The following TNXB variants were observed in gnomAD, a reference collection of about 807,000 sequenced individuals.
TNXB encodes the protein tenascin-X.
A neutral mutation model predicts 340.5 loss-of-function variants in TNXB; 183 were observed. The ratio of observed to expected loss-of-function variants is 0.54; its 90% CI spans 0.48 to 0.61. The LOEUF (loss-of-function observed/expected upper bound fraction) is 0.61. Among genes scored for constraint, TNXB ranks in the 20% least tolerant of loss-of-function variants. TNXB has a pLI of 0.00. For synonymous variants in TNXB, 2,121 were observed against 2,314.5 expected, an observed-to-expected ratio of 0.92 and a Z score of 2.40; for missense variants, 4,613 against 5,446.4, an observed-to-expected ratio of 0.85 and a Z score of 4.82.
At chr6:32,092,949 G>C (rs1336107980) in intron 4 of TNXB, among the ~76,000 whole-genome samples, 1 of 152,224 alleles carries the variant, frequency 6.6e-6, no homozygotes, top group Admixed American at 6.5e-5. Flanking sequence ...GCCTGGCACA[G>C]GCCAACTTGG....
In TNXB at chr6:32,084,609, C is replaced by T. The variant is rs1164165471; in HGVS notation, c.3249G>A (p.Thr1083=). Residue 1083 remains threonine, a synonymous_variant, in exon 8 of 44, where the codon ACG becomes ACA. Transcript: ENST00000644971. This position sits in a 1 kb window ranked among gnomAD's most constrained non-coding sequence, Gnocchi z 5.5. ...AGGAGTCAAACTCGCCCTCGGGGACCGTCCAGCGCAGGAGCAAGGAGTCGG... is the reference window on the plus strand; with the variant it reads ...AGGAGTCAAACTCGCCCTCGGGGACTGTCCAGCGCAGGAGCAAGGAGTCGG... ...RTSDSLLLRW[T]VPEGEFDSFV... is the part of the protein sequence containing the mutation. 1.1e-5 allele frequency: 17 copies of T among 1,606,932 alleles called. No individual in the cohort carries two copies. Among genetic ancestry groups the T allele is most frequent in the African/African-American group, 2.7e-5 (2 of 74,920 alleles).
chr6:32,105,502 G>C (rs1172191380), intron 1 of TNXB, among the ~76,000 whole-genome samples: 5 of 152,070 alleles, frequency 3.3e-5, no homozygotes, highest in African/African-American at 9.7e-5. Flanking sequence ...CTTGGCTGCT[G>C]TATCCCTGCA....
intron 13 of TNXB, among the ~76,000 whole-genome samples, chr6:32,071,491 G>A (rs1362060796): frequency 6.6e-6 from 1 of 152,010 alleles, no homozygotes; most frequent in Non-Finnish European, 1.5e-5. Context: ...TGGAAATTAC[G>A]AGAAGAGAGG....
rs1352356891 is a variant in TNXB, at chr6:32,052,913, G to A, written c.8872C>T (p.Leu2958=). 5.0e-6 allele frequency: 8 copies of A among 1,612,830 alleles called. No individual in the cohort carries two copies. Among genetic ancestry groups the A allele is most frequent in the Non-Finnish European group, 5.9e-6 (7 of 1,179,840 alleles). The change falls in exon 26 of 44, where the codon CTG becomes TTG. Residue 2958 remains leucine, a synonymous_variant. Transcript: ENST00000644971. The surrounding 1 kb of genome is among the most constrained non-coding windows in gnomAD (Gnocchi z 4.7). ...EPPEEPLLGE[L]TVTGSSPDSL... ...TCAGGGGAGGATCCTGTCACTGTCA[G>A]CTCCCCCAGGAGCGGCTCCTCAGGG...
Position 32,081,396 on chromosome 6 carries a change from C to T in TNXB, c.4014G>A (p.Val1338=). The change falls in exon 10 of 44, where the codon GTG becomes GTA. Residue 1338 remains valine, a synonymous_variant. Coordinates refer to ENST00000644971, the MANE Select transcript of TNXB (RefSeq NM_001365276.2). The surrounding 1 kb of genome is among the most constrained non-coding windows in gnomAD (Gnocchi z 5.1). ...NLYGLRGRQR[V]GPESVVAKTA... ...TCTTGGCCACCACAGACTCGGGCCC[C>T]ACACGCTGCCTGCCACGAAGCCCGT... The T allele has an allele frequency of 6.5e-7, 1 of 1,543,138 alleles. No homozygotes were observed. Among genetic ancestry groups the T allele is most frequent in the Admixed American group, 2.0e-5 (1 of 51,034 alleles).
rs771332630 is a variant in TNXB at position 32,069,629 on chromosome 6, G to C, written c.5511C>G (p.Ala1837=). The C allele has an allele frequency of 6.2e-7, 1 of 1,611,842 alleles. No individual in the cohort carries two copies. Among genetic ancestry groups the C allele is most frequent in the Non-Finnish European group, 8.5e-7 (1 of 1,178,938 alleles). ...REVSVPGLDP[A]HRYKLLLYGL... Reference sequence around the variant, plus strand: ...CGTAGAGCAGCAGCTTGTACCTGTGGGCAGGGTCCAGGCCCGGCACGCTGA... The same window carrying C: ...CGTAGAGCAGCAGCTTGTACCTGTGCGCAGGGTCCAGGCCCGGCACGCTGA... Residue 1837 remains alanine (A), a synonymous_variant, in exon 15 of 44, where the codon GCC becomes GCG. Transcript: ENST00000644971. The surrounding 1 kb of genome is among the most constrained non-coding windows in gnomAD (Gnocchi z 6.2).
rs542833871 is a variant in TNXB, at chr6:32,050,268, G to C, written c.9169C>G (p.Pro3057Ala). The C allele has an allele frequency of 4.3e-6, 7 of 1,613,488 alleles. No homozygotes were observed. In the African/African-American group the frequency reaches 9.3e-5, roughly 22 times the overall value. ...TCCCCCAGGCGAGGCTTGATGGGGG[G>C]CTCAGGGGTCATGGTAGGCACTGCT... The part of the protein sequence containing the change: ...TQAVPTMTPE[P>A]PIKPRLGELT... Residue 3057 changes from proline (P) to alanine (A), a missense_variant, in exon 27 of 44, where the codon CCC becomes GCC. Transcript: ENST00000644971.
intron 31 of TNXB, chr6:32,045,934 G>A (rs1449616184): frequency 1.6e-5 from 20 of 1,256,294 alleles, no homozygotes; most frequent in Middle Eastern, 3.1e-4. Context: ...GGGCAGAGTC[G>A]GGGCTGGGAG....
Position 32,082,132 on chromosome 6 carries a change from C to T in TNXB, c.3640G>A (p.Val1214Ile). Residue 1214 changes from valine (V) to isoleucine (I), a missense_variant, in exon 9 of 44, where the codon GTC becomes ATC. This residue lies in a region of TNXB where 4,327 missense variants were observed against 4,859.4 expected (regional missense o/e 0.89). Coordinates refer to ENST00000644971, the MANE Select transcript of TNXB (RefSeq NM_001365276.2). This position sits in a 1 kb window ranked among gnomAD's most constrained non-coding sequence, Gnocchi z 5.0. ...TTGTGGTCAGGGTCCAGTGAGGAGA[C>T]AACAAATGAACGCTCGGGCCCTTCC... ...PVEGPERSFV[V>I]SSLDPDHKYR... 6.2e-7 allele frequency: 1 copy of T among 1,611,784 alleles called. No homozygotes were observed. The highest frequency in any genetic ancestry group is 1.7e-5 in the Admixed American group (1 of 59,714).
intron 1 of TNXB, among the ~76,000 whole-genome samples, chr6:32,102,610 C>T (rs1365308243): frequency 6.6e-6 from 1 of 152,166 alleles, no homozygotes; most frequent in Admixed American, 6.5e-5. Flanking sequence ...CTGAATAATG[C>T]CGTTTATATG....
chr6:32,065,028 G>A lies in TNXB; in HGVS notation c.6634C>T (p.Leu2212Phe). ...TGGCCCTCGGGGACTGTCCAGGAGA[G>A]GCTGAGGGAGTCGGAGGTGATGTCT... ...VRDITSDSLS[L>F]SWTVPEGQFD... Residue 2212 changes from leucine (L) to phenylalanine (F), a missense_variant, in exon 19 of 44, where the codon CTC (leucine) becomes TTC (phenylalanine). Leu to Phe is a conservative substitution (Grantham distance 22, BLOSUM62 0). Coordinates refer to ENST00000644971, the MANE Select transcript of TNXB (RefSeq NM_001365276.2). 6.2e-7 allele frequency: 1 copy of A among 1,609,306 alleles called. No homozygotes were observed. The highest frequency in any genetic ancestry group is 8.5e-7 in the Non-Finnish European group (1 of 1,178,324).
In TNXB at chr6:32,061,541, C is replaced by T. The variant is rs373494712; in HGVS notation, c.7348G>A (p.Gly2450Arg). 330 of 1,613,580 alleles carry T rather than the reference C, an allele frequency of 2.0e-4. 2 individuals are homozygous for T. The East Asian group carries it at 2.9e-3, about 14-fold the overall frequency. ...CCAACACGCACCACCTGGGGCCGCCCGTCCCTGTCCTTGTACTGCACGGTG... is the reference window on the plus strand; with the variant it reads ...CCAACACGCACCACCTGGGGCCGCCTGTCCCTGTCCTTGTACTGCACGGTG... ...SFTVQYKDRDGRPQVVRVGGE... is the reference protein window; with the variant it reads ...SFTVQYKDRDRRPQVVRVGGE... Residue 2450 changes from glycine (G) to arginine (R), a missense_variant, in exon 21 of 44, where the codon GGG (glycine) becomes AGG (arginine). Transcript: ENST00000644971. The surrounding 1 kb of genome is among the most constrained non-coding windows in gnomAD (Gnocchi z 4.4).
In TNXB at chr6:32,080,249, C is replaced by T. The variant is rs1779360037; in HGVS notation, c.4043-884G>A. ...TTTTTGAGATGGAGTCTCACTCTGT[C>T]GCCCAGGCTGGAATGCAGTGGCGCG... On this transcript the variant is annotated intron_variant, in intron 10 of 43. Transcript: ENST00000644971. This position sits in a 1 kb window ranked among gnomAD's most constrained non-coding sequence, Gnocchi z 4.3. Among the ~76,000 whole-genome samples, 2 of 151,194 alleles carry T rather than the reference C, an allele frequency of 1.3e-5. No individual in the cohort carries two copies. The highest frequency in any genetic ancestry group is 2.4e-5 in the African/African-American group (1 of 41,096).
rs1582379798 is a variant in TNXB, at chr6:32,058,591, G to C, written c.7493-201C>G. On this transcript the variant is annotated intron_variant, in intron 21 of 43. Coordinates refer to ENST00000644971, the MANE Select transcript of TNXB (RefSeq NM_001365276.2). The surrounding 1 kb of genome is among the most constrained non-coding windows in gnomAD (Gnocchi z 5.1). ...GAGCCCCCGGCCTGTACTGCTGGCA[G>C]AGCTGCACTGTTAGAAACCTCCAGA... Among the ~76,000 whole-genome samples, 1 of 151,982 alleles carries C rather than the reference G, an allele frequency of 6.6e-6. No individual in the cohort carries two copies. The highest frequency in any genetic ancestry group is 2.4e-5 in the African/African-American group (1 of 41,260).
rs1252625772 is a variant in TNXB, at chr6:32,082,010, T to C, written c.3736+26A>G. The C allele has an allele frequency of 1.3e-6, 2 of 1,585,986 alleles. No individual in the cohort carries two copies. The highest frequency in any genetic ancestry group is 1.3e-5 in the African/African-American group (1 of 74,540). ...TGCATGGGGCTGAGAAGGGGTCACA[T>C]GGGGGCTGAGGTGGCTGCTACTCAC... On this transcript the variant is annotated intron_variant, in intron 9 of 43. Coordinates refer to ENST00000644971, the MANE Select transcript of TNXB (RefSeq NM_001365276.2). This position sits in a 1 kb window ranked among gnomAD's most constrained non-coding sequence, Gnocchi z 5.0.
In TNXB at chr6:32,070,411, G is replaced by T. The variant is rs770132201; in HGVS notation, c.4994C>A (p.Ala1665Asp). 1 of 1,586,380 alleles carries T rather than the reference G, an allele frequency of 6.3e-7. No individual in the cohort carries two copies. Among genetic ancestry groups the T allele is most frequent in the Admixed American group, 1.7e-5 (1 of 58,176 alleles). ...GGCCCCTGGGCTGGCGTCACCTCGG[G>T]CAACTGGAGAGGAAAGGTTCTTGTG... Reference protein sequence around the residue: ...SPVSVEAKTVARGDASPGAPP... With the variant: ...SPVSVEAKTVDRGDASPGAPP... Residue 1665 changes from alanine to aspartate, a missense_variant, in exon 14 of 44, where the codon GCC (alanine) becomes GAC (aspartate). Ala to Asp is a moderately radical substitution (Grantham distance 126). Transcript: ENST00000644971. This position sits in a 1 kb window ranked among gnomAD's most constrained non-coding sequence, Gnocchi z 6.0.
At position 32,070,548 on chromosome 6, in the gene TNXB, AC is replaced by A; in HGVS notation, c.4991-135del. The A allele has an allele frequency of 1.0e-6, 1 of 989,220 alleles. No individual in the cohort carries two copies. Among genetic ancestry groups the A allele is most frequent in the Non-Finnish European group, 1.4e-6 (1 of 694,876 alleles). 61.3% of individuals were successfully genotyped at this position (989,220 alleles called of 1,614,324 possible). Reference sequence around the variant, plus strand: ...AATATTTCCATCACCTCCCATCCTCACCACCATCTCCGTCTGGTCCATGCCT... The same window carrying A: ...AATATTTCCATCACCTCCCATCCTCACACCATCTCCGTCTGGTCCATGCCT... On this transcript the variant is annotated intron_variant, in intron 13 of 43. Coordinates refer to ENST00000644971, the MANE Select transcript of TNXB (RefSeq NM_001365276.2). This position sits in a 1 kb window ranked among gnomAD's most constrained non-coding sequence, Gnocchi z 6.0.
Position 32,053,385 on chromosome 6 carries a change from C to A in TNXB, c.8791+3G>T. On this transcript the variant is annotated splice_donor_region_variant and intron_variant, in intron 25 of 43. Transcript: ENST00000644971. The stretch of plus-strand genomic sequence containing the variant: ...CACTCTGGGGCTCCCATCGTACACT[C>A]ACCTGTCACCCCAATGACAGAGATG... The A allele has an allele frequency of 6.2e-7, 1 of 1,612,022 alleles. No homozygotes were observed. The highest frequency in any genetic ancestry group is 1.1e-5 in the South Asian group (1 of 90,976).
chr6:32,103,464 TC>T, intron 1 of TNXB, among the ~76,000 whole-genome samples: 1 of 150,286 alleles, frequency 6.7e-6, no homozygotes, highest in Admixed American at 6.6e-5. Flanking sequence ...AAAAAACCTA[TC>T]CCCAATCTCA....
Sources: gnomAD v4.1 joint callset for allele counts (sites outside exome capture counted in the v4.1 genomes callset) on GRCh38, gnomAD v4.1.1 for gene constraint, gnomAD v4.1.1 regional missense constraint, Gnocchi (gnomAD v3.1) non-coding constraint, MANE v1.5 for transcripts, NCBI Gene and HGNC (gene_info 2026-07-23, HGNC 2026-07-21) for gene names.